MSRA: variants seen among roughly 807,000 people sequenced by gnomAD.
The protein encoded by MSRA is methionine sulfoxide reductase A.
Under a neutral mutation model 31.3 loss-of-function variants are expected in MSRA, and 54 were observed. The observed-to-expected ratio is 1.73, with a 90% CI of 1.39 to 2.17. The LOEUF (loss-of-function observed/expected upper bound fraction) is 2.17, where lower values mean the gene tolerates loss of function less well. Ranked by LOEUF, MSRA falls within the 30% of genes most tolerant of loss-of-function variation. MSRA has a pLI of 0.00. For synonymous variants in MSRA, 169 were observed against 116.5 expected, an observed-to-expected ratio of 1.45 and a Z score of -2.90; for missense variants, 507 against 300.9, an observed-to-expected ratio of 1.69 and a Z score of -5.07.
chr8:10,230,966 G>T lies in MSRA; in HGVS notation c.212-14138G>T, dbSNP rs563972375. Among the ~76,000 whole-genome samples, 274 of 152,294 alleles carry T rather than the reference G, an allele frequency of 1.8e-3. 1 individual carries two copies. Among genetic ancestry groups the T allele is most frequent in the African/African-American group, 6.5e-3 (269 of 41,566 alleles). ...CGCCTGGCTAATTTTTGTATTTTTA[G>T]TAGAGATAGGGTTTCACCGTGTTGG... is the stretch of plus-strand genomic sequence containing the variant. On this transcript the variant is annotated intron_variant, in intron 2 of 5. Coordinates refer to ENST00000317173, the MANE Select transcript of MSRA (RefSeq NM_012331.5).
chr8:10,220,458 G>A (rs964460293), intron 2 of MSRA, among the ~76,000 whole-genome samples: 1 of 152,224 alleles, frequency 6.6e-6, no homozygotes, highest in Non-Finnish European at 1.5e-5. Flanking sequence ...TAAGCTGAGT[G>A]AACACATAGT....
At chr8:10,228,816 A>G (rs1236417803) in intron 2 of MSRA, among the ~76,000 whole-genome samples, 1 of 152,200 alleles carries the variant, frequency 6.6e-6, no homozygotes, top group Non-Finnish European at 1.5e-5. Flanking sequence ...CCACATATAC[A>G]GATATCAGTG....
At chr8:10,206,989 C>T (rs1000130099) in intron 1 of MSRA, among the ~76,000 whole-genome samples, 22 of 152,140 alleles carry the variant, frequency 1.4e-4, no homozygotes, top group African/African-American at 3.6e-4. Flanking sequence ...GCGTCTCTGC[C>T]GATGATGCAG....
chr8:10,238,230 C>T (rs1285243381), intron 2 of MSRA, among the ~76,000 whole-genome samples: 1 of 152,176 alleles, frequency 6.6e-6, no homozygotes, highest in Non-Finnish European at 1.5e-5. Flanking sequence ...TGGGTGAGTG[C>T]CTCACTGCCT....
intron 3 of MSRA, among the ~76,000 whole-genome samples, chr8:10,258,571 A>G (rs1338660830): frequency 6.6e-6 from 1 of 152,162 alleles, no homozygotes; most frequent in African/African-American, 2.4e-5. Context: ...TGAGGATCCC[A>G]CTGGAAAGTC....
chr8:10,079,078 C>T (rs545793222), intron 1 of MSRA, among the ~76,000 whole-genome samples: 24 of 152,236 alleles, frequency 1.6e-4, no homozygotes, highest in Admixed American at 1.4e-3. Flanking sequence ...TTCCCCATCC[C>T]GCAGAGTTTA....
At chr8:10,376,044 G>C (rs541679276) in intron 5 of MSRA, among the ~76,000 whole-genome samples, 1 of 152,248 alleles carries the variant, frequency 6.6e-6, no homozygotes, top group African/African-American at 2.4e-5. Context: ...AAGGGCCTGG[G>C]GAAGATTGCG....
In MSRA at chr8:10,087,889, C is replaced by T. The variant is rs188919547; in HGVS notation, c.142+33231C>T. Among the ~76,000 whole-genome samples the T allele has an allele frequency of 1.7e-4, 26 of 152,228 alleles. No homozygotes were observed. The East Asian group carries it at 5.0e-3, about 29-fold the overall frequency. On this transcript the variant is annotated intron_variant, in intron 1 of 5. Coordinates refer to ENST00000317173, the MANE Select transcript of MSRA (RefSeq NM_012331.5). ...ACTTTTTGGCAAAATCTCAGGTAAA[C>T]CTCATACATATAAATCACAGAAATG...
intron 5 of MSRA, among the ~76,000 whole-genome samples, chr8:10,322,872 A>C (rs1344788346): frequency 6.6e-6 from 1 of 152,182 alleles, no homozygotes; most frequent in African/African-American, 2.4e-5. Context: ...TGGGCGGATC[A>C]TGAGGTCAGG....
At chr8:10,074,957 CA>C (rs1797932180) in intron 1 of MSRA, among the ~76,000 whole-genome samples, 1 of 152,268 alleles carries the variant, frequency 6.6e-6, no homozygotes, top group Admixed American at 6.5e-5. Context: ...CCACGCCCGG[CA>C]CCCTGTACTT....
chr8:10,426,303 C>G (rs1001385856), intron 5 of MSRA, among the ~76,000 whole-genome samples: 94 of 152,322 alleles, frequency 6.2e-4, no homozygotes, highest in African/African-American at 2.1e-3. Flanking sequence ...TGGATGGATT[C>G]TACAGAAGGA....
intron 1 of MSRA, among the ~76,000 whole-genome samples, chr8:10,137,543 G>A (rs1422120258): frequency 2.0e-5 from 3 of 152,132 alleles, no homozygotes; most frequent in East Asian, 1.9e-4. Flanking sequence ...TATAACAAAC[G>A]AACTAACCCA....
chr8:10,237,320 G>T (rs1243711087), intron 2 of MSRA, among the ~76,000 whole-genome samples: 1 of 152,212 alleles, frequency 6.6e-6, no homozygotes, highest in African/African-American at 2.4e-5. Flanking sequence ...ACTGTCCGGG[G>T]AAAATCACTT....
At chr8:10,158,177 C>G (rs892383948) in intron 1 of MSRA, among the ~76,000 whole-genome samples, 2 of 152,194 alleles carry the variant, frequency 1.3e-5, no homozygotes, top group Non-Finnish European at 2.9e-5. Context: ...TAATAACCCC[C>G]AAGGCTCCAC....
At chr8:10,341,391 C>T (rs1377711081) in intron 5 of MSRA, among the ~76,000 whole-genome samples, 1 of 152,104 alleles carries the variant, frequency 6.6e-6, no homozygotes, top group Non-Finnish European at 1.5e-5. Flanking sequence ...GACCAGATCT[C>T]CTGTGCACTT....
At chr8:10,223,772 G>T (rs923106483) in intron 2 of MSRA, among the ~76,000 whole-genome samples, 2 of 152,156 alleles carry the variant, frequency 1.3e-5, no homozygotes, top group Admixed American at 6.5e-5. Flanking sequence ...ATGGTTAAAG[G>T]CAGGGGTCAA....
intron 5 of MSRA, among the ~76,000 whole-genome samples, chr8:10,410,790 A>C (rs1219560407): frequency 6.6e-6 from 1 of 152,244 alleles, no homozygotes; most frequent in African/African-American, 2.4e-5. Flanking sequence ...ACTCCAGTTA[A>C]CATGGATTTT....
chr8:10,427,462 C>T (rs2129199217), intron 5 of MSRA, among the ~76,000 whole-genome samples: 1 of 152,292 alleles, frequency 6.6e-6, no homozygotes, highest in Non-Finnish European at 1.5e-5. Context: ...GGTGATGAGC[C>T]ACAGGCCACA....
At chr8:10,078,245 C>A (rs1002443427) in intron 1 of MSRA, among the ~76,000 whole-genome samples, 1 of 152,216 alleles carries the variant, frequency 6.6e-6, no homozygotes, top group Non-Finnish European at 1.5e-5. Context: ...CCTCTTTACC[C>A]TCCTCCTCCT....
Sources: allele counts gnomAD v4.1 joint callset (sites outside exome capture counted in the v4.1 genomes callset), GRCh38; gene constraint gnomAD v4.1.1; transcripts MANE v1.5; gene names NCBI Gene and HGNC (gene_info 2026-07-23, HGNC 2026-07-21).